DCAF5: variants seen among roughly 807,000 people sequenced by gnomAD.
DCAF5 encodes the protein DDB1- and CUL4-associated factor 5.
A neutral mutation model predicts 80.7 loss-of-function variants in DCAF5; 9 were observed. That is an observed-to-expected ratio of 0.11 (90% CI 0.07 to 0.19). The LOEUF is 0.19. DCAF5 is among the 10% of genes least tolerant of loss of function. The pLI is 1.00. For synonymous variants in DCAF5, 433 were observed against 461.9 expected (o/e 0.94, Z 0.80); for missense variants, 842 against 1,205.7 (o/e 0.70, Z 4.47).
intron 6 of DCAF5, chr14:69,084,334 C>A: frequency 1.0e-6 from 1 of 954,140 alleles, no homozygotes. Flanking sequence ...TGCAGAATAT[C>A]CCAGGGTTTA....
chr14:69,107,796 G>A (rs1179866113), intron 5 of DCAF5, among the ~76,000 whole-genome samples: 1 of 152,198 alleles, frequency 6.6e-6, no homozygotes, highest in African/African-American at 2.4e-5. Context: ...AGCTTTGAAA[G>A]TATTTTCTAA....
chr14:69,080,523 T>C (rs967092083), intron 6 of DCAF5, among the ~76,000 whole-genome samples: 6 of 152,200 alleles, frequency 3.9e-5, no homozygotes, highest in Non-Finnish European at 8.8e-5. Flanking sequence ...AGTAGTGAAA[T>C]TGGAGGCACA....
chr14:69,143,658 A>G (rs1595067491), intron 1 of DCAF5, among the ~76,000 whole-genome samples: 2 of 149,456 alleles, frequency 1.3e-5, no homozygotes, highest in African/African-American at 4.9e-5. Context: ...GCAGATCAGC[A>G]GGGGATGTGA....
intron 5 of DCAF5, among the ~76,000 whole-genome samples, chr14:69,096,074 C>G (rs937702307): frequency 6.6e-6 from 1 of 152,292 alleles, no homozygotes; most frequent in African/African-American, 2.4e-5. Context: ...ATACAACCCA[C>G]AGAATATGAC....
At chr14:69,125,163 T>C (rs1275278373) in intron 1 of DCAF5, among the ~76,000 whole-genome samples, 5 of 152,222 alleles carry the variant, frequency 3.3e-5, no homozygotes, top group African/African-American at 1.2e-4. Flanking sequence ...TATTCTATAC[T>C]GCCTTATTGA....
chr14:69,060,023 C>A (rs2038145946), intron 8 of DCAF5, among the ~76,000 whole-genome samples: 2 of 151,976 alleles, frequency 1.3e-5, no homozygotes, highest in East Asian at 3.9e-4. Flanking sequence ...CAGAAGCATC[C>A]CAGAGTGCAC....
Position 69,053,785 on chromosome 14 carries a change from CTG to C in DCAF5, c.*70_*71del. 1 of 1,430,694 alleles carries C rather than the reference CTG, an allele frequency of 7.0e-7. No individual in the cohort carries two copies. The highest frequency in any genetic ancestry group is 9.3e-7 in the Non-Finnish European group (1 of 1,075,138). The allele number at this position is 1,430,694 out of a possible 1,614,324, so 88.6% of individuals were successfully genotyped here. The stretch of plus-strand genomic sequence containing the variant: ...CTTTAATACTTGTTTTTCCTTTCCT[CTG>C]TATTCACTAAACAATTTTTTTTTTT... On this transcript the variant is annotated 3_prime_UTR_variant, in exon 9 of 9. Coordinates refer to ENST00000341516, the MANE Select transcript of DCAF5 (RefSeq NM_003861.3).
intron 6 of DCAF5, among the ~76,000 whole-genome samples, chr14:69,080,412 G>A (rs2039057936): frequency 6.6e-6 from 1 of 152,098 alleles, no homozygotes; most frequent in Admixed American, 6.5e-5. Context: ...CAGTGGCACT[G>A]TTTCACTACC....
chr14:69,091,965 C>T (rs2039548110), intron 5 of DCAF5, 78 bp from the exon 6 acceptor site: 2 of 1,195,238 alleles, frequency 1.7e-6, no homozygotes, highest in Admixed American at 2.1e-5. Flanking sequence ...TGCCTATGAC[C>T]TCCTGTCAAG....
At chr14:69,108,070 T>C (rs1042697578) in intron 5 of DCAF5, among the ~76,000 whole-genome samples, 2 of 152,138 alleles carry the variant, frequency 1.3e-5, no homozygotes, top group Non-Finnish European at 2.9e-5. Flanking sequence ...ACATAGCATA[T>C]GAATAACTAA....
At chr14:69,139,303 T>G (rs1269911979) in intron 1 of DCAF5, among the ~76,000 whole-genome samples, 6 of 151,928 alleles carry the variant, frequency 3.9e-5, no homozygotes, top group Non-Finnish European at 8.8e-5. Context: ...CTGGGCAACA[T>G]AGAGACCTTG....
chr14:69,091,620 A>C (rs2039536435), intron 6 of DCAF5, 54 bp downstream of exon 6: 2 of 1,505,200 alleles, frequency 1.3e-6, no homozygotes, highest in Non-Finnish European at 1.8e-6. Context: ...GTATAGAAAG[A>C]ACAATCAGAA....
chr14:69,148,522 C>T (rs1467035154), intron 1 of DCAF5, among the ~76,000 whole-genome samples: 1 of 152,008 alleles, frequency 6.6e-6, no homozygotes, highest in African/African-American at 2.4e-5. Context: ...TGGTGAAACC[C>T]CGTTTCTACT....
intron 7 of DCAF5, among the ~76,000 whole-genome samples, chr14:69,065,678 A>T (rs1212128886): frequency 6.6e-6 from 1 of 152,202 alleles, no homozygotes; most frequent in South Asian, 2.1e-4. Flanking sequence ...GTTTACGTAC[A>T]ATCATTTTTT....
chr14:69,067,592 G>A (rs1482340512), intron 7 of DCAF5, among the ~76,000 whole-genome samples: 2 of 151,560 alleles, frequency 1.3e-5, no homozygotes, highest in Non-Finnish European at 2.9e-5. Flanking sequence ...CAATCCTCCT[G>A]CCTTGGCCCC....
intron 5 of DCAF5, among the ~76,000 whole-genome samples, chr14:69,114,315 C>A (rs1056160575): frequency 3.3e-5 from 5 of 152,082 alleles, no homozygotes; most frequent in African/African-American, 1.2e-4. Flanking sequence ...TGACCAAAAA[C>A]TGGAAACAAG....
chr14:69,111,321 C>T (rs1026296754), intron 5 of DCAF5, among the ~76,000 whole-genome samples: 18 of 152,144 alleles, frequency 1.2e-4, no homozygotes, highest in African/African-American at 3.9e-4. Flanking sequence ...AGCAATTTCC[C>T]GATAGTAGGA....
chr14:69,134,012 T>C (rs1350682889), intron 1 of DCAF5, among the ~76,000 whole-genome samples: 1 of 152,084 alleles, frequency 6.6e-6, no homozygotes, highest in Non-Finnish European at 1.5e-5. Context: ...GAGAAAGAAA[T>C]CCACAAACAT....
intron 5 of DCAF5, among the ~76,000 whole-genome samples, chr14:69,102,568 C>CTTTT (rs1213812510): frequency 1.2e-5 from 1 of 85,204 alleles, no homozygotes. Context: ...ACTTTTTAAA[C>CTTTT]TTTTTATTTT....
Sources: gnomAD v4.1 joint callset for allele counts (sites outside exome capture counted in the v4.1 genomes callset) on GRCh38, gnomAD v4.1.1 for gene constraint, MANE v1.5 for transcripts, NCBI Gene and HGNC (gene_info 2026-07-23, HGNC 2026-07-21) for gene names.